Variants in PARD3B observed in about 807,000 individuals in gnomAD.
The protein encoded by PARD3B is partitioning defective 3 homolog B.
In PARD3B, 103 loss-of-function variants were observed where a neutral mutation model predicts 130.2. The ratio of observed to expected loss-of-function variants is 0.79; its 90% CI spans 0.67 to 0.93. The LOEUF is 0.93. PARD3B is among the 40% of genes least tolerant of loss of function. The probability of loss-of-function intolerance (pLI) is 0.00; values close to 1 mark genes in which losing one functional copy is unlikely to be tolerated. For missense variants in PARD3B, 1,609 were observed against 1,499.2 expected, an observed-to-expected ratio of 1.07 and a Z score of -1.21; for synonymous variants, 583 against 553.2, an observed-to-expected ratio of 1.05 and a Z score of -0.76.
chr2:205,489,413 G>A (rs11674575), intron 20 of PARD3B, among the ~76,000 whole-genome samples: 56,911 of 150,692 alleles, frequency 0.38, 13,009 homozygotes, highest in Middle Eastern at 0.6. Flanking sequence ...GGAGTTCGAG[G>A]TTACAATCAG....
chr2:205,223,122 T>A (rs1443650145), intron 15 of PARD3B, among the ~76,000 whole-genome samples: 4 of 151,916 alleles, frequency 2.6e-5, no homozygotes, highest in African/African-American at 7.3e-5. Context: ...ACATGTGAGA[T>A]CAGCGGCATT....
At position 205,300,126 on chromosome 2, in the gene PARD3B, G is replaced by T. The variant is rs948765480; in HGVS notation, c.2186-404G>T. On this transcript the variant is annotated intron_variant, in intron 16 of 22. Transcript: ENST00000406610. The surrounding 1 kb of genome is among the most constrained non-coding windows in gnomAD (Gnocchi z 4.1). Reference sequence around the variant, plus strand: ...CATGTTAGGTGCTTGGTATGTTTGTGTGTGTGTCTGTGAGTATGCATGTGT... The same window carrying T: ...CATGTTAGGTGCTTGGTATGTTTGTTTGTGTGTCTGTGAGTATGCATGTGT... 6.6e-6 allele frequency among the ~76,000 whole-genome samples: 1 copy of T among 152,178 alleles called. No homozygotes were observed. The highest frequency in any genetic ancestry group is 1.5e-5 in the Non-Finnish European group (1 of 68,022).
intron 15 of PARD3B, among the ~76,000 whole-genome samples, chr2:205,239,255 C>A (rs2125910449): frequency 6.6e-6 from 1 of 152,076 alleles, no homozygotes; most frequent in African/African-American, 2.4e-5. Context: ...TAAAGGTGTT[C>A]TAGGTGCTAA....
chr2:204,718,673 A>G (rs1218999765), intron 2 of PARD3B, among the ~76,000 whole-genome samples: 2 of 152,196 alleles, frequency 1.3e-5, no homozygotes, highest in Non-Finnish European at 2.9e-5. Context: ...ATTAGATTCA[A>G]CATCAACCAT....
At chr2:204,563,483 T>A (rs894971258) in intron 1 of PARD3B, among the ~76,000 whole-genome samples, 1 of 152,274 alleles carries the variant, frequency 6.6e-6, no homozygotes, top group South Asian at 2.1e-4. Context: ...ATGCATTTTT[T>A]CTTGCTTTTC....
chr2:205,214,965 G>T (rs370917861), intron 15 of PARD3B, among the ~76,000 whole-genome samples: 2 of 152,066 alleles, frequency 1.3e-5, no homozygotes, highest in Non-Finnish European at 2.9e-5. Context: ...TCTAAAGGCG[G>T]CTCAGTCTAA....
chr2:204,787,016 G>T (rs1347834531), intron 2 of PARD3B, among the ~76,000 whole-genome samples: 6 of 152,088 alleles, frequency 3.9e-5, no homozygotes, highest in Middle Eastern at 3.4e-3. Context: ...TCAACAACAC[G>T]TACTTTTTTT....
At chr2:204,698,140 A>G (rs1207987643) in intron 2 of PARD3B, among the ~76,000 whole-genome samples, 1 of 152,080 alleles carries the variant, frequency 6.6e-6, no homozygotes. Context: ...GTATTGCCTT[A>G]CATTTACGCC....
chr2:205,604,786 T>G (rs186386685), intron 22 of PARD3B, among the ~76,000 whole-genome samples: 1 of 152,334 alleles, frequency 6.6e-6, no homozygotes, highest in East Asian at 1.9e-4. Context: ...TCCTGGATGA[T>G]GTCCTGAAGT....
intron 16 of PARD3B, among the ~76,000 whole-genome samples, chr2:205,298,647 G>A (rs772234215): frequency 8.5e-5 from 13 of 152,078 alleles, no homozygotes; most frequent in African/African-American, 1.7e-4. Flanking sequence ...TGTTCAAAGT[G>A]CAAAGTTGTC....
chr2:205,058,627 A>G (rs1371641348), intron 4 of PARD3B, among the ~76,000 whole-genome samples: 1 of 151,886 alleles, frequency 6.6e-6, no homozygotes, highest in Non-Finnish European at 1.5e-5. Context: ...GTTTTTAGTA[A>G]TCATCCTAAT....
chr2:205,508,962 A>ATT (rs199907976), intron 21 of PARD3B, among the ~76,000 whole-genome samples: 25 of 141,052 alleles, frequency 1.8e-4, no homozygotes, highest in African/African-American at 5.4e-4. Flanking sequence ...AATAAACTGA[A>ATT]TTTTTTTTTT....
intron 2 of PARD3B, among the ~76,000 whole-genome samples, chr2:204,873,500 G>T (rs765410451): frequency 6.6e-6 from 1 of 152,048 alleles, no homozygotes; most frequent in Non-Finnish European, 1.5e-5. Flanking sequence ...TCCTAAGCAC[G>T]TATTTTGTGC....
chr2:205,148,733 T>TA (rs2033541587), intron 10 of PARD3B, among the ~76,000 whole-genome samples: 1 of 152,076 alleles, frequency 6.6e-6, no homozygotes, highest in African/African-American at 2.4e-5. Flanking sequence ...TATTCTTTTT[T>TA]TAAAAAAAAA....
At chr2:205,334,006 C>T (rs62171498) in intron 18 of PARD3B, among the ~76,000 whole-genome samples, 5,199 of 152,250 alleles carry the variant, frequency 0.034, 103 homozygotes, top group Middle Eastern at 0.058. Context: ...GAAATTCCTT[C>T]TCTTTTGGAA....
In PARD3B at chr2:205,105,957, A is replaced by T. The variant is rs1156336533; in HGVS notation, c.593+1443A>T. Among the ~76,000 whole-genome samples, 1 of 151,782 alleles carries T rather than the reference A, an allele frequency of 6.6e-6. No homozygotes were observed. The highest frequency in any genetic ancestry group is 1.5e-5 in the Non-Finnish European group (1 of 67,900). ...ATTCTATTTGGCTTTAATTTCACTT[A>T]TTTCAGTGTTAGCTTTTTGAAAAGT... On this transcript the variant is annotated intron_variant, in intron 5 of 22. Coordinates refer to ENST00000406610, the MANE Select transcript of PARD3B (RefSeq NM_001302769.2). The surrounding 1 kb of genome is among the most constrained non-coding windows in gnomAD (Gnocchi z 4.0).
chr2:205,381,945 TCA>T (rs2045465203), intron 18 of PARD3B, among the ~76,000 whole-genome samples: 1 of 152,072 alleles, frequency 6.6e-6, no homozygotes, highest in African/African-American at 2.4e-5. Flanking sequence ...TAAAACTTTT[TCA>T]GTTTTAGACT....
chr2:205,457,119 G>A (rs2048304322), intron 20 of PARD3B, among the ~76,000 whole-genome samples: 1 of 151,704 alleles, frequency 6.6e-6, no homozygotes, highest in South Asian at 2.1e-4. Flanking sequence ...ATCTGGGCCT[G>A]GAGAGTTCTT....
chr2:205,579,293 G>A (rs2053876875), intron 22 of PARD3B, among the ~76,000 whole-genome samples: 4 of 152,170 alleles, frequency 2.6e-5, no homozygotes, highest in Non-Finnish European at 5.9e-5. Context: ...AAGAAAAAAG[G>A]CTATTGTGGC....
Sources: gnomAD v4.1 joint callset for allele counts (sites outside exome capture counted in the v4.1 genomes callset) on GRCh38, gnomAD v4.1.1 for gene constraint, Gnocchi (gnomAD v3.1) non-coding constraint, MANE v1.5 for transcripts, NCBI Gene and HGNC (gene_info 2026-07-23, HGNC 2026-07-21) for gene names.